The following TEX261 variants were observed in gnomAD, a reference collection of about 807,000 sequenced individuals.
TEX261 encodes testis expressed 261.
A neutral mutation model predicts 25.1 loss-of-function variants in TEX261; 13 were observed. That is an observed-to-expected ratio of 0.52 (90% CI 0.34 to 0.82). The LOEUF (loss-of-function observed/expected upper bound fraction) is 0.82. TEX261 is among the 40% of genes least tolerant of loss of function. TEX261 has a pLI of 0.02. For missense variants in TEX261, 206 were observed against 243.2 expected (o/e 0.85, Z 1.02); for synonymous variants, 92 against 97.8 (o/e 0.94, Z 0.35).
At chr2:70,994,518 G>T in intron 1 of TEX261, 170 bp downstream of exon 1, 1 of 959,262 alleles carries the variant, frequency 1.0e-6, no homozygotes, top group Non-Finnish European at 1.5e-6. Context: ...AGGCCGGGCT[G>T]CCAGGCTCGA....
At position 70,994,740 on chromosome 2, in the gene TEX261, C is replaced by A. The variant is rs1553426054; in HGVS notation, c.18G>T (p.Leu6=). Residue 6 remains leucine (L), a synonymous_variant, in exon 1 of 6, where the codon CTG becomes CTT. Coordinates refer to ENST00000272438, the MANE Select transcript of TEX261 (RefSeq NM_144582.3). ...GGATGAAGAGCGACAGCCAGCTCAG[C>A]AGGTACATGAACCACATGGCGCCCC... MWFMY[L]LSWLSLFIQV... The A allele has an allele frequency of 6.2e-7, 1 of 1,606,122 alleles. No homozygotes were observed. Among genetic ancestry groups the A allele is most frequent in the Admixed American group, 1.7e-5 (1 of 59,250 alleles).
At position 70,989,743 on chromosome 2, in the gene TEX261, T is replaced by G. The variant is rs1553425423; in HGVS notation, c.372+6A>C. The G allele has an allele frequency of 6.2e-7, 1 of 1,604,418 alleles. No homozygotes were observed. Among genetic ancestry groups the G allele is most frequent in the South Asian group, 1.1e-5 (1 of 90,874 alleles). ...TTAACAGCTGAATGTGCTGGACACT[T>G]CTTACCTCTGAGAAGGGATAATATT... On this transcript the variant is annotated splice_donor_region_variant and intron_variant, in intron 4 of 5. Transcript: ENST00000272438.
intron 3 of TEX261, 47 bp from the exon 4 acceptor site, chr2:70,989,863 A>C: frequency 6.8e-7 from 1 of 1,459,914 alleles, no homozygotes; most frequent in Non-Finnish European, 9.6e-7. Flanking sequence ...AATAACAGAA[A>C]GCTGTACTTT....
chr2:70,993,467 G>C (rs540915378), intron 2 of TEX261, among the ~76,000 whole-genome samples: 8 of 152,350 alleles, frequency 5.3e-5, no homozygotes, highest in African/African-American at 1.7e-4. Context: ...TTAAGGACTA[G>C]AGCACAAGGC....
At chr2:70,991,639 C>A in intron 3 of TEX261, 191 bp downstream of exon 3, 5 of 607,258 alleles carry the variant, frequency 8.2e-6, no homozygotes, top group South Asian at 2.1e-5. Context: ...CCAGCCCCAA[C>A]AAATTCTATT....
chr2:70,994,216 G>A (rs892922067), intron 1 of TEX261, among the ~76,000 whole-genome samples: 3 of 152,228 alleles, frequency 2.0e-5, no homozygotes, highest in Non-Finnish European at 4.4e-5. Flanking sequence ...GAAAGGACAG[G>A]GCACTGCTGG....
chr2:70,991,219 G>A (rs972735416), intron 3 of TEX261, among the ~76,000 whole-genome samples: 5 of 152,238 alleles, frequency 3.3e-5, no homozygotes, highest in Non-Finnish European at 7.3e-5. Context: ...CTGAATAGAT[G>A]GAGAAGCTAA....
chr2:70,989,068 G>C, intron 4 of TEX261, 51 bp from the exon 5 acceptor site: 1 of 1,503,326 alleles, frequency 6.7e-7, no homozygotes, highest in Non-Finnish European at 9.2e-7. Context: ...GCCAAGAGTG[G>C]GCTGGGTGTG....
Position 70,989,763 on chromosome 2 carries a change from A to G in TEX261, c.358T>C (p.Tyr120His). 6.2e-7 allele frequency: 1 copy of G among 1,612,112 alleles called. No homozygotes were observed. Among genetic ancestry groups the G allele is most frequent in the East Asian group, 2.2e-5 (1 of 44,878 alleles). ...ACACTTCTTACCTCTGAGAAGGGAT[A>G]ATATTCTTCTGCAAAAAACTGAAAT... ...LAFQFFAEEY[Y>H]PFSEVLAYFT... Residue 120 changes from tyrosine to histidine, a missense_variant, in exon 4 of 6, where the codon TAT becomes CAT. Physicochemically the swap from Tyr to His is moderately conservative, Grantham distance 83. Coordinates refer to ENST00000272438, the MANE Select transcript of TEX261 (RefSeq NM_144582.3).
At chr2:70,991,767 C>T (rs913463177) in intron 3 of TEX261, 63 bp downstream of exon 3, 3 of 1,575,362 alleles carry the variant, frequency 1.9e-6, no homozygotes, top group African/African-American at 2.7e-5. Flanking sequence ...CCCTTTAGTG[C>T]CCAGGATGGA....
chr2:70,991,639 C>T (rs1670300065), intron 3 of TEX261, 191 bp downstream of exon 3: 1 of 607,140 alleles, frequency 1.6e-6, no homozygotes, highest in African/African-American at 1.9e-5. Flanking sequence ...CCAGCCCCAA[C>T]AAATTCTATT....
chr2:70,989,400 C>T (rs1185812009), intron 4 of TEX261: 7 of 406,238 alleles, frequency 1.7e-5, no homozygotes, highest in East Asian at 5.0e-5. Context: ...AAAACCTTGG[C>T]GGCCACTGGG....
chr2:70,993,830 T>A (rs1173375194), intron 1 of TEX261, 55 bp from the exon 2 acceptor site: 3 of 1,402,126 alleles, frequency 2.1e-6, no homozygotes, highest in Non-Finnish European at 3.0e-6. Flanking sequence ...ACCATCCTGG[T>A]CACCCCTCTC....
At chr2:70,993,601 A>G in intron 2 of TEX261, 95 bp downstream of exon 2, 1 of 997,130 alleles carries the variant, frequency 1.0e-6, no homozygotes. Context: ...CAGCAGAGAC[A>G]CAGGCCTCAT....
chr2:70,994,372 A>G, intron 1 of TEX261: 1 of 478,588 alleles, frequency 2.1e-6, no homozygotes. Flanking sequence ...CGTTGGGGAA[A>G]AGTTCCGCGC....
At position 70,994,672 on chromosome 2, in the gene TEX261, G is replaced by T. The variant is rs1553426027; in HGVS notation, c.70+16C>A. On this transcript the variant is annotated intron_variant, in intron 1 of 5. Coordinates refer to ENST00000272438, the MANE Select transcript of TEX261 (RefSeq NM_144582.3). Reference sequence around the variant, plus strand: ...CGGGGCGGGAGCCCGCGCGGGCCGGGGTCGTGCAGTCTCACCGACAGCCAG... The same window carrying T: ...CGGGGCGGGAGCCCGCGCGGGCCGGTGTCGTGCAGTCTCACCGACAGCCAG... The T allele has an allele frequency of 1.3e-6, 2 of 1,588,596 alleles. No individual in the cohort carries two copies. Among genetic ancestry groups the T allele is most frequent in the South Asian group, 1.1e-5 (1 of 87,664 alleles).
chr2:70,990,025 G>C (rs1296947738), intron 3 of TEX261, among the ~76,000 whole-genome samples: 1 of 152,182 alleles, frequency 6.6e-6, no homozygotes, highest in African/African-American at 2.4e-5. Flanking sequence ...AGGGCATTCT[G>C]AGTAAAATTA....
At position 70,991,984 on chromosome 2, in the gene TEX261, C is replaced by G. The variant is rs782613654; in HGVS notation, c.151-1G>C. On this transcript the variant is annotated splice_acceptor_variant, in intron 2 of 5. Transcript: ENST00000272438. LOFTEE classifies it high-confidence loss of function. ...GGCCAATCAGTACAGCGGTGGAGAA[C>G]TGAAACAACCAGAGGCAGACAGTGC... 5.5e-5 allele frequency: 88 copies of G among 1,591,074 alleles called. No homozygotes were observed. Among genetic ancestry groups the G allele is most frequent in the Non-Finnish European group, 7.3e-5 (85 of 1,168,112 alleles).
chr2:70,992,449 G>A (rs1670320519), intron 2 of TEX261, among the ~76,000 whole-genome samples: 1 of 151,932 alleles, frequency 6.6e-6, no homozygotes, highest in Non-Finnish European at 1.5e-5. Flanking sequence ...AAAAACATCT[G>A]CCAGGCGAGG....
Sources: allele counts gnomAD v4.1 joint callset (sites outside exome capture counted in the v4.1 genomes callset), GRCh38; gene constraint gnomAD v4.1.1; transcripts MANE v1.5; gene names NCBI Gene and HGNC (gene_info 2026-07-23, HGNC 2026-07-21).